GCAT: variants seen among roughly 807,000 people sequenced by gnomAD.
GCAT encodes the protein 2-amino-3-ketobutyrate coenzyme A ligase, mitochondrial.
In GCAT, 26 loss-of-function variants were observed where a neutral mutation model predicts 39.7. The observed-to-expected ratio is 0.65, with a 90% CI of 0.48 to 0.91. GCAT has a LOEUF of 0.91. Among genes scored for constraint, GCAT ranks in the 40% least tolerant of loss-of-function variants. The pLI is 0.00. For missense variants in GCAT, 550 were observed against 576.2 expected, an observed-to-expected ratio of 0.95 and a Z score of 0.47; for synonymous variants, 218 against 237.2, an observed-to-expected ratio of 0.92 and a Z score of 0.74.
chr22:37,813,152 G>A (rs1225774662), intron 3 of GCAT, 164 bp downstream of exon 3: 1 of 640,952 alleles, frequency 1.6e-6, no homozygotes, highest in Non-Finnish European at 2.8e-6. Flanking sequence ...TGCTCCAGGA[G>A]GAATCCTGGG....
At chr22:37,813,766 TC>T (rs1025148935) in intron 4 of GCAT, among the ~76,000 whole-genome samples, 157 bp downstream of exon 4, 5 of 151,742 alleles carry the variant, frequency 3.3e-5, no homozygotes, top group Non-Finnish European at 7.4e-5. Context: ...AGAGCATTAT[TC>T]TTTTTTTTTT....
intron 2 of GCAT, among the ~76,000 whole-genome samples, chr22:37,810,555 C>T (rs1410162435): frequency 6.9e-5 from 9 of 130,618 alleles, no homozygotes; most frequent in Admixed American, 1.9e-4. Flanking sequence ...CTCGCTCTGT[C>T]GCTGAGGCTG....
Position 37,815,113 on chromosome 22 carries a change from G to C in GCAT, c.577-13G>C, listed in dbSNP as rs921016016. The C allele has an allele frequency of 5.0e-6, 8 of 1,613,152 alleles. No homozygotes were observed. Among genetic ancestry groups the C allele is most frequent in the Non-Finnish European group, 6.8e-6 (8 of 1,179,786 alleles). On this transcript the variant is annotated splice_polypyrimidine_tract_variant and intron_variant, in intron 4 of 8. Coordinates refer to ENST00000248924, the MANE Select transcript of GCAT (RefSeq NM_014291.4). ...TTGACACCACCCACCATCTGCTCAT[G>C]TCTTTCCTGCAGAAGCATCGGCTGC...
At chr22:37,812,610 T>G (rs1921721979) in intron 2 of GCAT, among the ~76,000 whole-genome samples, 1 of 152,180 alleles carries the variant, frequency 6.6e-6, no homozygotes, top group South Asian at 2.1e-4. Context: ...AGACACATCT[T>G]TCTTCTCCAC....
At chr22:37,815,926 C>T in intron 7 of GCAT, 92 bp downstream of exon 7, 1 of 1,451,776 alleles carries the variant, frequency 6.9e-7, no homozygotes, top group Non-Finnish European at 9.5e-7. Flanking sequence ...AGCTCTGTGC[C>T]CACCGGGTCT....
Position 37,813,533 on chromosome 22 carries a change from G to T in GCAT, c.500G>T (p.Arg167Leu). 6.2e-7 allele frequency: 1 copy of T among 1,613,430 alleles called. No homozygotes were observed. The highest frequency in any genetic ancestry group is 1.7e-5 in the Admixed American group (1 of 59,980). Residue 167 changes from arginine (R) to leucine (L), a missense_variant, in exon 4 of 9, where the codon CGG becomes CTG. Arg to Leu is a moderately radical substitution (Grantham distance 102, BLOSUM62 -2). Transcript: ENST00000248924. Reference protein sequence around the residue: ...LNHASIIDGIRLCKAHKYRYR... With the variant: ...LNHASIIDGILLCKAHKYRYR... ...CATGCCTCCATCATCGACGGCATCC[G>T]GCTGTGCAAGGCCCACAAGTACCGC...
intron 4 of GCAT, among the ~76,000 whole-genome samples, chr22:37,814,880 G>A (rs1398215567): frequency 1.3e-5 from 2 of 152,180 alleles, no homozygotes; most frequent in African/African-American, 2.4e-5. Flanking sequence ...TGCCCTCTGG[G>A]ACCTTACACA....
At chr22:37,813,679 C>T (rs1041738045) in intron 4 of GCAT, 70 bp downstream of exon 4, 5 of 1,403,208 alleles carry the variant, frequency 3.6e-6, no homozygotes, top group Non-Finnish European at 4.8e-6. Flanking sequence ...GAGGCCAACT[C>T]CTCACTCACA....
Position 37,807,976 on chromosome 22 carries a change from T to A in GCAT, c.9T>A (p.Pro3=). 1.3e-6 allele frequency: 2 copies of A among 1,533,742 alleles called. No individual in the cohort carries two copies. Among genetic ancestry groups the A allele is most frequent in the Non-Finnish European group, 1.7e-6 (2 of 1,143,048 alleles). The change falls in exon 1 of 9, where the codon CCT becomes CCA. Residue 3 remains proline, a synonymous_variant. Transcript: ENST00000248924. Reference sequence around the variant, plus strand: ...CGGGCGAGGTAGGAGCGATGTGGCCTGGGAACGCCTGGCGCGCCGCACTCT... The same window carrying A: ...CGGGCGAGGTAGGAGCGATGTGGCCAGGGAACGCCTGGCGCGCCGCACTCT... MW[P]GNAWRAALFW... is the part of the protein sequence containing the mutation.
At chr22:37,816,076 C>A in intron 7 of GCAT, 124 bp from the exon 8 acceptor site, 1 of 1,244,390 alleles carries the variant, frequency 8.0e-7, no homozygotes, top group Non-Finnish European at 1.1e-6. Context: ...CCTCTTAGAG[C>A]TTGTAACTGT....
chr22:37,815,365 T>C, intron 5 of GCAT, 53 bp from the exon 6 acceptor site: 1 of 1,597,106 alleles, frequency 6.3e-7, no homozygotes, highest in East Asian at 2.3e-5. Flanking sequence ...GCATGATCCA[T>C]AATCCCTGGG....
At position 37,815,231 on chromosome 22, in the gene GCAT, G is replaced by T. The variant is rs1434725287; in HGVS notation, c.682G>T (p.Val228Phe). The change falls in exon 5 of 9, where the codon GTC becomes TTC. Residue 228 changes from valine to phenylalanine, a missense_variant. Physicochemically the swap from Val to Phe is conservative, Grantham distance 50 (BLOSUM62 -1). Coordinates refer to ENST00000248924, the MANE Select transcript of GCAT (RefSeq NM_014291.4). ...CCTCGCCTCTAGATATGGTGCCCTGGTCTTCATGGATGAATGCCATGCCAC... is the reference window on the plus strand; with the variant it reads ...CCTCGCCTCTAGATATGGTGCCCTGTTCTTCATGGATGAATGCCATGCCAC... ...CCLASRYGAL[V>F]FMDECHATGF... 1 of 1,614,106 alleles carries T rather than the reference G, an allele frequency of 6.2e-7. No homozygotes were observed. The highest frequency in any genetic ancestry group is 8.5e-7 in the Non-Finnish European group (1 of 1,180,006).
intron 2 of GCAT, among the ~76,000 whole-genome samples, chr22:37,811,538 G>C (rs1471555064): frequency 6.8e-6 from 1 of 147,794 alleles, no homozygotes; most frequent in Non-Finnish European, 1.5e-5. Flanking sequence ...ACTGCTCAAT[G>C]AATGTTGGCT....
Position 37,808,050 on chromosome 22 carries a change from G to A in GCAT, c.83G>A (p.Arg28His). Residue 28 changes from arginine (R) to histidine (H), a missense_variant, in exon 1 of 9, where the codon CGT becomes CAT. Arg to His is a conservative substitution (Grantham distance 29). Coordinates refer to ENST00000248924, the MANE Select transcript of GCAT (RefSeq NM_014291.4). Reference sequence around the variant, plus strand: ...GCACAGTCAGCGCTGGCCCAGCTGCGTGGCATTCTGGAGGGGGAGCTGGAA... The same window carrying A: ...GCACAGTCAGCGCTGGCCCAGCTGCATGGCATTCTGGAGGGGGAGCTGGAA... ...RRAQSALAQL[R>H]GILEGELEGI... is the part of the protein sequence containing the mutation. The A allele has an allele frequency of 1.3e-6, 2 of 1,559,258 alleles. No individual in the cohort carries two copies. Among genetic ancestry groups the A allele is most frequent in the Non-Finnish European group, 1.7e-6 (2 of 1,153,782 alleles).
At chr22:37,808,431 C>T (rs963672963) in intron 1 of GCAT, among the ~76,000 whole-genome samples, 2 of 148,108 alleles carry the variant, frequency 1.4e-5, no homozygotes, top group African/African-American at 5.3e-5. Flanking sequence ...ACGTGAACTC[C>T]TGCTAACTTC....
At chr22:37,810,245 C>T (rs948511824) in intron 2 of GCAT, 88 bp downstream of exon 2, 3 of 949,744 alleles carry the variant, frequency 3.2e-6, no homozygotes, top group African/African-American at 3.2e-5. Flanking sequence ...CAGCTCAGCT[C>T]AGCCACAGCC....
At chr22:37,811,578 A>G (rs1215987739) in intron 2 of GCAT, among the ~76,000 whole-genome samples, 1 of 152,044 alleles carries the variant, frequency 6.6e-6, no homozygotes, top group Non-Finnish European at 1.5e-5. Flanking sequence ...TTACAAAATA[A>G]ATTTATATAA....
chr22:37,815,063 CAA>C, intron 4 of GCAT, 61 bp from the exon 5 acceptor site: 1 of 1,551,812 alleles, frequency 6.4e-7, no homozygotes, highest in South Asian at 1.1e-5. Flanking sequence ...CCAAGCAGCA[CAA>C]GAGACGGGTG....
At chr22:37,815,635 C>A in intron 6 of GCAT, 28 bp from the exon 7 acceptor site, 1 of 1,563,846 alleles carries the variant, frequency 6.4e-7, no homozygotes, top group Non-Finnish European at 8.8e-7. Flanking sequence ...TGACCAACCC[C>A]TCCCCCCACC....
Sources: gnomAD v4.1 joint callset for allele counts (sites outside exome capture counted in the v4.1 genomes callset) on GRCh38, gnomAD v4.1.1 for gene constraint, MANE v1.5 for transcripts, NCBI Gene and HGNC (gene_info 2026-07-23, HGNC 2026-07-21) for gene names.